The following AHCYL2 variants were observed in gnomAD, a reference collection of about 807,000 sequenced individuals.
AHCYL2 encodes the protein adenosylhomocysteinase like 2.
A neutral mutation model predicts 81.4 loss-of-function variants in AHCYL2; 28 were observed. The ratio of observed to expected loss-of-function variants is 0.34; its 90% CI spans 0.25 to 0.47. The LOEUF is 0.47. Among genes scored for constraint, AHCYL2 ranks in the 20% least tolerant of loss-of-function variants. AHCYL2 has a pLI of 1.00. For synonymous variants in AHCYL2, 272 were observed against 290.2 expected, an observed-to-expected ratio of 0.94 and a Z score of 0.64; for missense variants, 551 against 785.1, an observed-to-expected ratio of 0.70 and a Z score of 3.56.
intron 1 of AHCYL2, among the ~76,000 whole-genome samples, chr7:129,227,700 T>C (rs1345071795): frequency 3.3e-5 from 5 of 152,060 alleles, no homozygotes; most frequent in Non-Finnish European, 7.4e-5. Flanking sequence ...TCTTGACCAC[T>C]TTCCTTGTCG....
At chr7:129,420,545 T>A (rs7789697) in intron 12 of AHCYL2, among the ~76,000 whole-genome samples, 45,903 of 147,418 alleles carry the variant, frequency 0.31, 7,253 homozygotes, top group South Asian at 0.39. Context: ...AGTGGCACAA[T>A]CTCAGCTCAC....
intron 1 of AHCYL2, among the ~76,000 whole-genome samples, chr7:129,254,662 A>G (rs1449852889): frequency 6.6e-6 from 1 of 152,212 alleles, no homozygotes; most frequent in African/African-American, 2.4e-5. Flanking sequence ...CTGTAAAACC[A>G]TCAATGCTCA....
chr7:129,406,354 AT>A lies in AHCYL2; in HGVS notation c.1207-23del. ...GGTTTTCTCAGTGACTTTCCTTAAT[AT>A]GTGTGCTCTCTCCCCTCTTCAGGTG... On this transcript the variant is annotated intron_variant, in intron 9 of 16. Coordinates refer to ENST00000325006, the MANE Select transcript of AHCYL2 (RefSeq NM_015328.4). This position sits in a 1 kb window ranked among gnomAD's most constrained non-coding sequence, Gnocchi z 4.3. The A allele has an allele frequency of 1.2e-6, 2 of 1,607,432 alleles. No homozygotes were observed. Among genetic ancestry groups the A allele is most frequent in the Non-Finnish European group, 1.7e-6 (2 of 1,174,370 alleles).
chr7:129,262,161 C>A (rs920448176), intron 1 of AHCYL2, among the ~76,000 whole-genome samples: 8 of 152,018 alleles, frequency 5.3e-5, no homozygotes, highest in African/African-American at 1.9e-4. Context: ...TCAAGGAGGT[C>A]ACAATATAAT....
intron 1 of AHCYL2, among the ~76,000 whole-genome samples, chr7:129,286,257 AT>A (rs1334371280): frequency 6.6e-6 from 1 of 151,396 alleles, no homozygotes; most frequent in East Asian, 2.0e-4. Context: ...TTTATTTTTT[AT>A]TTTTTTGTGT....
intron 2 of AHCYL2, 171 bp from the exon 3 acceptor site, chr7:129,388,885 A>G: frequency 1.6e-6 from 1 of 614,918 alleles, no homozygotes; most frequent in South Asian, 2.7e-5. Context: ...GTCTTTGGCA[A>G]TCTCTTTCAG....
chr7:129,361,122 A>G (rs1793916542), intron 1 of AHCYL2, among the ~76,000 whole-genome samples: 1 of 152,232 alleles, frequency 6.6e-6, no homozygotes, highest in African/African-American at 2.4e-5. Context: ...TTATATGCAC[A>G]TTCAAGTTTG....
intron 1 of AHCYL2, among the ~76,000 whole-genome samples, chr7:129,337,255 G>A (rs933996363): frequency 7.9e-5 from 12 of 151,556 alleles, no homozygotes; most frequent in South Asian, 6.3e-4. Flanking sequence ...TACTTTTATC[G>A]TACTGTATTC....
chr7:129,404,022 G>T (rs925074362), intron 7 of AHCYL2, among the ~76,000 whole-genome samples: 3 of 150,982 alleles, frequency 2.0e-5, no homozygotes, highest in African/African-American at 7.3e-5. Flanking sequence ...ACCTAAAATA[G>T]TGAGAAGGGG....
intron 1 of AHCYL2, among the ~76,000 whole-genome samples, chr7:129,312,791 CTCTT>C (rs1797706445): frequency 6.6e-6 from 1 of 152,168 alleles, no homozygotes; most frequent in African/African-American, 2.4e-5. Context: ...TTCTTGTATA[CTCTT>C]TCCCTGTCAG....
chr7:129,282,927 A>G (rs949827081), intron 1 of AHCYL2, among the ~76,000 whole-genome samples: 1 of 152,286 alleles, frequency 6.6e-6, no homozygotes, highest in East Asian at 1.9e-4. Flanking sequence ...GTTACTCCCC[A>G]GGATCCTTGG....
At chr7:129,268,043 CT>C (rs35678215) in intron 1 of AHCYL2, among the ~76,000 whole-genome samples, 39,061 of 151,976 alleles carry the variant, frequency 0.26, 6,248 homozygotes, top group East Asian at 0.55. Context: ...TTTGGACAAA[CT>C]TGCTATTTTA....
chr7:129,245,378 C>T (rs1250618649), intron 1 of AHCYL2, among the ~76,000 whole-genome samples: 3 of 152,264 alleles, frequency 2.0e-5, no homozygotes, highest in African/African-American at 7.2e-5. Flanking sequence ...CCATTTTATA[C>T]ATTTTTAAGT....
chr7:129,242,329 CTT>C (rs768756801), intron 1 of AHCYL2, among the ~76,000 whole-genome samples: 89 of 141,746 alleles, frequency 6.3e-4, no homozygotes, highest in Non-Finnish European at 6.3e-4. Flanking sequence ...CAAGCCTGGC[CTT>C]TTTTTTTTTT....
chr7:129,386,241 T>C (rs559997325), intron 2 of AHCYL2, among the ~76,000 whole-genome samples: 52 of 152,184 alleles, frequency 3.4e-4, no homozygotes, highest in African/African-American at 1.1e-3. Flanking sequence ...GGTGGGCGGA[T>C]CACCTGAGGT....
At chr7:129,268,441 G>A (rs573017458) in intron 1 of AHCYL2, among the ~76,000 whole-genome samples, 32 of 152,158 alleles carry the variant, frequency 2.1e-4, no homozygotes, top group African/African-American at 7.5e-4. Context: ...TCCATCTCCC[G>A]GATTCAAGTG....
intron 1 of AHCYL2, among the ~76,000 whole-genome samples, chr7:129,255,249 A>G (rs1795372730): frequency 1.3e-5 from 2 of 152,228 alleles, no homozygotes; most frequent in Non-Finnish European, 2.9e-5. Flanking sequence ...TGGCAGAGCG[A>G]GAGTCTGTCT....
chr7:129,307,730 C>T (rs1368139790), intron 1 of AHCYL2, among the ~76,000 whole-genome samples: 1 of 151,870 alleles, frequency 6.6e-6, no homozygotes, highest in Non-Finnish European at 1.5e-5. Flanking sequence ...CTGAAGTCAG[C>T]ATGGCTCAAG....
At chr7:129,251,998 G>T (rs912052790) in intron 1 of AHCYL2, among the ~76,000 whole-genome samples, 2 of 151,864 alleles carry the variant, frequency 1.3e-5, no homozygotes, top group Admixed American at 6.6e-5. Context: ...TAATTATTTG[G>T]CTGGCTTTTA....
Sources: gnomAD v4.1 joint callset for allele counts (sites outside exome capture counted in the v4.1 genomes callset) on GRCh38, gnomAD v4.1.1 for gene constraint, Gnocchi (gnomAD v3.1) non-coding constraint, MANE v1.5 for transcripts, NCBI Gene and HGNC (gene_info 2026-07-23, HGNC 2026-07-21) for gene names.